The following PSMD14 variants were observed in gnomAD, a reference collection of about 807,000 sequenced individuals.
The protein encoded by PSMD14 is ubiquitin C-terminal hydrolase PSMD14.
In PSMD14, 7 loss-of-function variants were observed where a neutral mutation model predicts 41.2. The observed-to-expected ratio is 0.17, with a 90% CI of 0.10 to 0.32. The LOEUF (loss-of-function observed/expected upper bound fraction) is 0.32, where lower values mean the gene tolerates loss of function less well. PSMD14 is among the 10% of genes least tolerant of loss of function. The pLI, the probability that PSMD14 is intolerant of heterozygous loss-of-function variation, is 1.00. For missense variants in PSMD14, 139 were observed against 375.6 expected (o/e 0.37, Z 5.21); for synonymous variants, 114 against 122.3 (o/e 0.93, Z 0.45).
intron 3 of PSMD14, chr2:161,340,761 C>T (rs1434068214): frequency 1.9e-6 from 3 of 1,611,540 alleles, no homozygotes; most frequent in Non-Finnish European, 2.5e-6. Context: ...ATCTCTCAAG[C>T]TTTTAAGATG....
chr2:161,380,005 G>T (rs1242117954), intron 7 of PSMD14, among the ~76,000 whole-genome samples: 3 of 152,064 alleles, frequency 2.0e-5, no homozygotes, highest in African/African-American at 7.2e-5. Context: ...TTGTGAGTCA[G>T]TCATGCGCTC....
intron 3 of PSMD14, among the ~76,000 whole-genome samples, chr2:161,322,790 T>TG (rs1682627935): frequency 6.6e-6 from 1 of 152,182 alleles, no homozygotes; most frequent in African/African-American, 2.4e-5. Context: ...TGAGGCCACT[T>TG]GGTCTTAGTT....
intron 3 of PSMD14, among the ~76,000 whole-genome samples, chr2:161,333,740 T>C (rs1198293055): frequency 1.3e-5 from 2 of 152,194 alleles, no homozygotes; most frequent in South Asian, 2.1e-4. Context: ...TTTAAAAAGA[T>C]TATGTTATTT....
At chr2:161,401,226 A>G (rs1354669193) in intron 10 of PSMD14, among the ~76,000 whole-genome samples, 1 of 152,258 alleles carries the variant, frequency 6.6e-6, no homozygotes, top group Non-Finnish European at 1.5e-5. Flanking sequence ...ACAATATAGT[A>G]TATGATGTAT....
rs904793491 is a variant in PSMD14, at chr2:161,407,661, G to A, written c.772-1176G>A. On this transcript the variant is annotated intron_variant, in intron 10 of 11. Transcript: ENST00000409682. ...TACATTTCCTACATGTTCATTGTTC[G>A]CACATGAAGAAATTTGGCAGCTGTG... 3.3e-5 allele frequency: 5 copies of A among 152,114 alleles called. No individual in the cohort carries two copies. In the East Asian group the frequency reaches 5.8e-4, roughly 18 times the overall value. 9.4% of individuals were successfully genotyped at this position (152,114 alleles called of 1,614,324 possible).
chr2:161,324,984 T>C (rs1264755209), intron 3 of PSMD14, among the ~76,000 whole-genome samples: 1 of 152,176 alleles, frequency 6.6e-6, no homozygotes, highest in African/African-American at 2.4e-5. Context: ...GAGCCTCTTT[T>C]AGCCAGGTCC....
At chr2:161,352,055 C>T (rs1015738197) in intron 3 of PSMD14, among the ~76,000 whole-genome samples, 3 of 152,134 alleles carry the variant, frequency 2.0e-5, no homozygotes, top group African/African-American at 4.8e-5. Context: ...TTATAATAAA[C>T]GCTGTAGTAA....
chr2:161,314,618 A>G (rs1268631571), intron 1 of PSMD14, among the ~76,000 whole-genome samples: 1 of 152,178 alleles, frequency 6.6e-6, no homozygotes, highest in Non-Finnish European at 1.5e-5. Context: ...GATATTTCAT[A>G]TACATGGAAT....
rs770518079 is a variant in PSMD14 at position 161,367,428 on chromosome 2, C to T, written c.49-50C>T. The T allele has an allele frequency of 1.1e-5, 16 of 1,434,060 alleles. No homozygotes were observed. In the Middle Eastern group the frequency reaches 7.0e-4, roughly 63 times the overall value. 88.8% of individuals were successfully genotyped at this position (1,434,060 alleles called of 1,614,324 possible). A position where few individuals can be genotyped will look rare whatever the true frequency, so the allele number is the denominator to read the frequency against. ...TACCACATGTAACTTGAATTTTAAACTCATAAACTCTGTGTTTGTTTTAAT... is the reference window on the plus strand; with the variant it reads ...TACCACATGTAACTTGAATTTTAAATTCATAAACTCTGTGTTTGTTTTAAT... On this transcript the variant is annotated intron_variant, in intron 3 of 11. Coordinates refer to ENST00000409682, the MANE Select transcript of PSMD14 (RefSeq NM_005805.6).
intron 3 of PSMD14, among the ~76,000 whole-genome samples, chr2:161,319,483 C>G (rs554312172): frequency 6.6e-6 from 1 of 152,206 alleles, no homozygotes; most frequent in South Asian, 2.1e-4. Flanking sequence ...TCAGGATAGT[C>G]TATCTGCTTT....
At chr2:161,379,103 G>A (rs1416226944) in intron 7 of PSMD14, among the ~76,000 whole-genome samples, 1 of 151,814 alleles carries the variant, frequency 6.6e-6, no homozygotes, top group East Asian at 1.9e-4. Flanking sequence ...TGTTCTCTAG[G>A]GCCCTTTATT....
Position 161,370,127 on chromosome 2 carries a change from T to G in PSMD14, c.261T>G (p.Val87=). 1.3e-6 allele frequency: 2 copies of G among 1,592,086 alleles called. No homozygotes were observed. The highest frequency in any genetic ancestry group is 1.7e-6 in the Non-Finnish European group (2 of 1,168,090). ...QSGTGVSVEA[V]DPVFQAKMLD... is the part of the protein sequence containing the mutation. Reference sequence around the variant, plus strand: ...ATCAGGGTGTCAGTGTGGAGGCAGTTGATCCAGTGTTCCAAGCTAAAATGT... The same window carrying G: ...ATCAGGGTGTCAGTGTGGAGGCAGTGGATCCAGTGTTCCAAGCTAAAATGT... The change falls in exon 6 of 12, where the codon GTT becomes GTG. Residue 87 remains valine (V), a synonymous_variant. Coordinates refer to ENST00000409682, the MANE Select transcript of PSMD14 (RefSeq NM_005805.6).
chr2:161,364,701 T>G (rs1683335663), intron 3 of PSMD14, among the ~76,000 whole-genome samples: 1 of 152,206 alleles, frequency 6.6e-6, no homozygotes, highest in South Asian at 2.1e-4. Flanking sequence ...GATGGTGTAT[T>G]ATATGCGATT....
intron 5 of PSMD14, among the ~76,000 whole-genome samples, chr2:161,369,662 T>C (rs1163378622): frequency 6.6e-6 from 1 of 152,080 alleles, no homozygotes; most frequent in Non-Finnish European, 1.5e-5. Flanking sequence ...TTATTTTGGT[T>C]GAACTAGCAA....
intron 2 of PSMD14, among the ~76,000 whole-genome samples, chr2:161,318,576 A>G (rs1689170253): frequency 6.6e-6 from 1 of 152,176 alleles, no homozygotes; most frequent in Non-Finnish European, 1.5e-5. Context: ...AAAGTATGCT[A>G]AGATTGCTTG....
At chr2:161,345,517 T>C (rs1683029259) in intron 3 of PSMD14, among the ~76,000 whole-genome samples, 1 of 152,138 alleles carries the variant, frequency 6.6e-6, no homozygotes, top group Non-Finnish European at 1.5e-5. Context: ...CACCTCTGCC[T>C]CCCAAAGTGC....
At chr2:161,362,686 C>T (rs1056993213) in intron 3 of PSMD14, among the ~76,000 whole-genome samples, 2 of 152,150 alleles carry the variant, frequency 1.3e-5, no homozygotes, top group Non-Finnish European at 2.9e-5. Flanking sequence ...TTGTTTTCTG[C>T]CATCTAATGT....
At chr2:161,310,816 C>A (rs1324346618) in intron 1 of PSMD14, among the ~76,000 whole-genome samples, 2 of 152,122 alleles carry the variant, frequency 1.3e-5, no homozygotes, top group African/African-American at 4.8e-5. Flanking sequence ...GGTTCAAGAG[C>A]CTTTTTCACT....
At chr2:161,394,636 C>T (rs570013707) in intron 9 of PSMD14, among the ~76,000 whole-genome samples, 34 of 152,296 alleles carry the variant, frequency 2.2e-4, no homozygotes, top group African/African-American at 7.5e-4. Flanking sequence ...GGCAAAGTCC[C>T]TGCCTTCTTG....
Sources: gnomAD v4.1 joint callset for allele counts (sites outside exome capture counted in the v4.1 genomes callset) on GRCh38, gnomAD v4.1.1 for gene constraint, MANE v1.5 for transcripts, NCBI Gene and HGNC (gene_info 2026-07-23, HGNC 2026-07-21) for gene names.